The following RAPGEF4 variants were observed in gnomAD, a reference collection of about 807,000 sequenced individuals.
RAPGEF4 encodes RAP guanine-nucleotide-exchange factor (GEF) 4.
RAPGEF4 carries 66 observed loss-of-function variants against 147.9 expected under a neutral mutation model. That is an observed-to-expected ratio of 0.45 (90% CI 0.37 to 0.55). The LOEUF is 0.55. Ranked by LOEUF, RAPGEF4 falls within the 20% of genes least tolerant of loss-of-function variation. RAPGEF4 has a pLI of 0.00. For missense variants in RAPGEF4, 1,071 were observed against 1,257.3 expected (o/e 0.85, Z 2.24); for synonymous variants, 419 against 442.7 (o/e 0.95, Z 0.67).
chr2:172,847,680 TA>T (rs1692354978), intron 4 of RAPGEF4, among the ~76,000 whole-genome samples: 2 of 152,354 alleles, frequency 1.3e-5, no homozygotes, highest in South Asian at 4.1e-4. Flanking sequence ...GGCTGGAGTC[TA>T]ATCAGAGTCC....
At chr2:172,970,890 C>T (rs1025928598) in intron 10 of RAPGEF4, among the ~76,000 whole-genome samples, 1 of 152,258 alleles carries the variant, frequency 6.6e-6, no homozygotes, top group Middle Eastern at 3.4e-3. Flanking sequence ...GTCCTGGTTT[C>T]GCAGGTGCAG....
At chr2:172,903,561 A>G (rs1188919040) in intron 4 of RAPGEF4, among the ~76,000 whole-genome samples, 2 of 152,108 alleles carry the variant, frequency 1.3e-5, no homozygotes, top group African/African-American at 4.8e-5. Flanking sequence ...AAAGTTTCTA[A>G]AGATGAAGAA....
chr2:172,797,463 C>A (rs1175068038), intron 2 of RAPGEF4, 62 bp from the exon 3 acceptor site: 9 of 1,340,328 alleles, frequency 6.7e-6, no homozygotes, highest in Non-Finnish European at 9.5e-6. Flanking sequence ...GAAAAACTGG[C>A]AGATCATATA....
intron 15 of RAPGEF4, among the ~76,000 whole-genome samples, chr2:172,995,028 C>A (rs1024826434): frequency 2.1e-4 from 32 of 152,080 alleles, no homozygotes; most frequent in African/African-American, 7.7e-4. Context: ...AGAGGTGCTC[C>A]CCTCACCATT....
chr2:172,760,649 C>T (rs957611434), intron 1 of RAPGEF4, among the ~76,000 whole-genome samples: 4 of 149,916 alleles, frequency 2.7e-5, no homozygotes, highest in Non-Finnish European at 3.0e-5. Flanking sequence ...ACCCGGGAGG[C>T]GGAGCTTGCA....
intron 27 of RAPGEF4, 149 bp downstream of exon 27, chr2:173,034,113 C>G (rs1401413458): frequency 1.5e-6 from 1 of 678,476 alleles, no homozygotes. Context: ...CTAAAACAAG[C>G]ATGTCTGACT....
At chr2:172,980,972 T>A (rs1691619797) in intron 10 of RAPGEF4, among the ~76,000 whole-genome samples, 1 of 152,060 alleles carries the variant, frequency 6.6e-6, no homozygotes, top group South Asian at 2.1e-4. Flanking sequence ...AAAAAAGAAA[T>A]CCATAAAAGT....
At chr2:172,942,520 A>G (rs1354409954) in intron 6 of RAPGEF4, among the ~76,000 whole-genome samples, 1 of 150,458 alleles carries the variant, frequency 6.6e-6, no homozygotes. Context: ...CTGGAGTACC[A>G]GGGGAATCAG....
chr2:173,048,504 G>A, intron 29 of RAPGEF4, 96 bp from the exon 30 acceptor site: 1 of 1,547,354 alleles, frequency 6.5e-7, no homozygotes, highest in South Asian at 1.2e-5. Flanking sequence ...CACTTCTCAT[G>A]GTACCAAGTA....
Position 172,822,729 on chromosome 2 carries a change from G to A in RAPGEF4, c.444+8304G>A, listed in dbSNP as rs374824506. On this transcript the variant is annotated intron_variant, in intron 4 of 30. Transcript: ENST00000397081. ...AGGAGCTGCTGTTAAACTAGTTTCC[G>A]AAATGCTTCCCTTGGCCGTGCACTA... is the stretch of plus-strand genomic sequence containing the variant. Among the ~76,000 whole-genome samples, 7 of 152,272 alleles carry A rather than the reference G, an allele frequency of 4.6e-5. No individual in the cohort carries two copies. The East Asian group carries it at 9.7e-4, about 21-fold the overall frequency.
chr2:172,769,795 A>G (rs967828838), intron 1 of RAPGEF4, among the ~76,000 whole-genome samples: 8 of 152,166 alleles, frequency 5.3e-5, no homozygotes, highest in African/African-American at 1.9e-4. Flanking sequence ...GTATGTTCCA[A>G]TTATTACAAT....
chr2:173,019,161 T>C (rs1282488132), intron 22 of RAPGEF4, among the ~76,000 whole-genome samples: 3 of 152,214 alleles, frequency 2.0e-5, no homozygotes, highest in African/African-American at 7.2e-5. Context: ...GGCCATGGGT[T>C]TCTACAAGTC....
At chr2:173,032,503 AC>A in intron 26 of RAPGEF4, among the ~76,000 whole-genome samples, 1 of 152,252 alleles carries the variant, frequency 6.6e-6, no homozygotes, top group Admixed American at 6.5e-5. Context: ...CTTGCCAAAA[AC>A]ATAATCCACT....
At chr2:173,011,957 G>T (rs905038632) in intron 17 of RAPGEF4, among the ~76,000 whole-genome samples, 2 of 151,834 alleles carry the variant, frequency 1.3e-5, no homozygotes, top group Non-Finnish European at 2.9e-5. Context: ...CTCAGTAAAA[G>T]CTTCCCTTTC....
intron 4 of RAPGEF4, among the ~76,000 whole-genome samples, chr2:172,899,110 C>T (rs918734492): frequency 3.9e-5 from 6 of 152,194 alleles, no homozygotes; most frequent in Non-Finnish European, 5.9e-5. Context: ...GTTACAAATA[C>T]TGAAAAACAC....
At chr2:173,017,107 A>G (rs1164310216) in intron 19 of RAPGEF4, 67 bp from the exon 20 acceptor site, 16 of 1,426,294 alleles carry the variant, frequency 1.1e-5, no homozygotes, top group Non-Finnish European at 1.5e-5. Context: ...AAGATTAGTT[A>G]TATACAAATA....
intron 6 of RAPGEF4, among the ~76,000 whole-genome samples, chr2:172,947,254 A>G (rs1297474667): frequency 6.6e-6 from 1 of 152,258 alleles, no homozygotes; most frequent in African/African-American, 2.4e-5. Flanking sequence ...TGGCAGGTAC[A>G]GCTAGTATTT....
chr2:172,886,527 A>T (rs1368634214), intron 4 of RAPGEF4, among the ~76,000 whole-genome samples: 1 of 152,250 alleles, frequency 6.6e-6, no homozygotes, highest in Non-Finnish European at 1.5e-5. Context: ...CAAAGTTTCC[A>T]TGAATGCATT....
intron 26 of RAPGEF4, among the ~76,000 whole-genome samples, chr2:173,031,778 T>A (rs999654632): frequency 6.6e-6 from 1 of 152,192 alleles, no homozygotes; most frequent in Non-Finnish European, 1.5e-5. Flanking sequence ...CAGCACTGAA[T>A]GTTGCTGAAA....
Sources: allele counts gnomAD v4.1 joint callset (sites outside exome capture counted in the v4.1 genomes callset), GRCh38; gene constraint gnomAD v4.1.1; transcripts MANE v1.5; gene names NCBI Gene and HGNC (gene_info 2026-07-23, HGNC 2026-07-21).